The following CARMIL3 variants were observed in gnomAD, a reference collection of about 807,000 sequenced individuals.
CARMIL3 encodes capping protein, Arp2/3 and myosin-I linker protein 3.
CARMIL3 carries 88 observed loss-of-function variants against 180.8 expected under a neutral mutation model. The ratio of observed to expected loss-of-function variants is 0.49; its 90% confidence interval spans 0.41 to 0.58. The LOEUF is 0.58. Ranked by LOEUF, CARMIL3 falls within the 20% of genes least tolerant of loss-of-function variation. The pLI, the probability that CARMIL3 is intolerant of heterozygous loss-of-function variation, is 0.00. For missense variants in CARMIL3, 1,548 were observed against 1,787.0 expected (o/e 0.87, Z 2.41); for synonymous variants, 696 against 714.5 (o/e 0.97, Z 0.41).
At chr14:24,057,674 G>A in intron 14 of CARMIL3, 129 bp from the exon 15 acceptor site, 2 of 762,558 alleles carry the variant, frequency 2.6e-6, no homozygotes, top group Non-Finnish European at 4.3e-6. Flanking sequence ...CATCTCCAGT[G>A]GAGCTCACAC....
intron 6 of CARMIL3, 39 bp from the exon 7 acceptor site, chr14:24,055,027 C>G: frequency 6.2e-7 from 1 of 1,606,614 alleles, no homozygotes; most frequent in Non-Finnish European, 8.5e-7. Context: ...TTCCCCATCT[C>G]CTTACCCTCA....
Position 24,059,261 on chromosome 14 carries a change from C to CT in CARMIL3, c.1627-9_1627-8insT. ...GGGGACTGGGTCCAACCGCCCCTTG[C>CT]CCACACAGTCCCTGCAGTCACTGTC... On this transcript the variant is annotated splice_polypyrimidine_tract_variant and intron_variant, in intron 20 of 39. Transcript: ENST00000342740. This position sits in a 1 kb window ranked among gnomAD's most constrained non-coding sequence, Gnocchi z 6.3. 6.2e-7 allele frequency: 1 copy of CT among 1,613,860 alleles called. No individual in the cohort carries two copies. The highest frequency in any genetic ancestry group is 8.5e-7 in the Non-Finnish European group (1 of 1,179,956).
rs762509051 is a variant in CARMIL3, at chr14:24,057,149, TCTTC to T, written c.1063-11_1063-8del. On this transcript the variant is annotated splice_polypyrimidine_tract_variant and intron_variant, in intron 13 of 39. Transcript: ENST00000342740. ...CCATCATCCCTTCCCCTGCAACCCC[TCTTC>T]CTTCCTACTCCAGGCCCTCTACAGT... The T allele has an allele frequency of 6.2e-7, 1 of 1,612,780 alleles. No individual in the cohort carries two copies.
rs1298118679 is a variant in CARMIL3, at chr14:24,053,717, C to T, written c.49C>T (p.Arg17Trp). The T allele has an allele frequency of 3.7e-6, 6 of 1,610,556 alleles. No homozygotes were observed. The highest frequency in any genetic ancestry group is 1.1e-5 in the South Asian group (1 of 90,382). Reference sequence around the variant, plus strand: ...CTCCCACCCCCCCTCAGACAGCATCCGGAGGTGCCTGAGCCAAGGGGCCGT... The same window carrying T: ...CTCCCACCCCCCCTCAGACAGCATCTGGAGGTGCCTGAGCCAAGGGGCCGT... ...ELTRELQDSI[R>W]RCLSQGAVLQ... The change falls in exon 2 of 40, where the codon CGG becomes TGG. Residue 17 changes from arginine to tryptophan, a missense_variant. Arg to Trp is a moderately radical substitution (Grantham distance 101). Around this residue, in one of 4 missense-constraint regions of CARMIL3, gnomAD observed 578 missense variants for 666.5 expected, o/e 0.87. Coordinates refer to ENST00000342740, the MANE Select transcript of CARMIL3 (RefSeq NM_138360.4).
At position 24,058,078 on chromosome 14, in the gene CARMIL3, A is replaced by G. The variant is rs1566539840; in HGVS notation, c.1322+14A>G. ...GGAGGCCCTCAGGTCGGGTGGGTGCAGGGTTGGGGGCGCATCCAAGGGAAC... is the reference window on the plus strand; with the variant it reads ...GGAGGCCCTCAGGTCGGGTGGGTGCGGGGTTGGGGGCGCATCCAAGGGAAC... On this transcript the variant is annotated intron_variant, in intron 16 of 39. Transcript: ENST00000342740. This position sits in a 1 kb window ranked among gnomAD's most constrained non-coding sequence, Gnocchi z 6.4. The G allele has an allele frequency of 6.2e-7, 1 of 1,613,704 alleles. No individual in the cohort carries two copies.
In CARMIL3 at chr14:24,058,910, A is replaced by G. The variant is rs779583194; in HGVS notation, c.1495A>G (p.Thr499Ala). 1.9e-6 allele frequency: 3 copies of G among 1,614,066 alleles called. No homozygotes were observed. In the African/African-American group the frequency reaches 4.0e-5, roughly 22 times the overall value. Residue 499 changes from threonine to alanine, a missense_variant, in exon 19 of 40, where the codon ACA becomes GCA. Thr to Ala is a moderately conservative substitution (Grantham distance 58, BLOSUM62 0). Coordinates refer to ENST00000342740, the MANE Select transcript of CARMIL3 (RefSeq NM_138360.4). The surrounding 1 kb of genome is among the most constrained non-coding windows in gnomAD (Gnocchi z 6.4). Reference sequence around the variant, plus strand: ...ACCAGGGTTCGACTCGGACCTCCTGACACTGGTGCCTGCACTTGGCAAGAA... The same window carrying G: ...ACCAGGGTTCGACTCGGACCTCCTGGCACTGGTGCCTGCACTTGGCAAGAA... Reference protein sequence around the residue: ...SDNGFDSDLLTLVPALGKNKS... With the variant: ...SDNGFDSDLLALVPALGKNKS...
Position 24,054,633 on chromosome 14 carries a change from G to GGGA in CARMIL3, c.363-77_363-75dup, listed in dbSNP as rs2035653837. The stretch of plus-strand genomic sequence containing the variant: ...CATGTCCCCACTCCTGGTTTTTCCT[G>GGGA]GGATGCAGGAGCTATAACGTGGGAA... On this transcript the variant is annotated intron_variant, in intron 5 of 39. Coordinates refer to ENST00000342740, the MANE Select transcript of CARMIL3 (RefSeq NM_138360.4). This position sits in a 1 kb window ranked among gnomAD's most constrained non-coding sequence, Gnocchi z 5.1. The GGGA allele has an allele frequency of 1.3e-6, 2 of 1,517,822 alleles. No individual in the cohort carries two copies. Among genetic ancestry groups the GGGA allele is most frequent in the Non-Finnish European group, 1.8e-6 (2 of 1,107,446 alleles). The allele number at this position is 1,517,822 out of a possible 1,614,324, so 94.0% of individuals were successfully genotyped here. A position where few individuals can be genotyped will look rare whatever the true frequency, so the allele number is the denominator to read the frequency against.
At chr14:24,053,900 GGGT>G (rs2035644280) in intron 2 of CARMIL3, 97 bp downstream of exon 2, 1 of 1,234,486 alleles carries the variant, frequency 8.1e-7, no homozygotes, top group East Asian at 2.5e-5. Flanking sequence ...AGACAGAAGT[GGGT>G]GGACACTGAG....
At chr14:24,057,664 C>T in intron 14 of CARMIL3, 139 bp from the exon 15 acceptor site, 1 of 706,158 alleles carries the variant, frequency 1.4e-6, no homozygotes, top group Non-Finnish European at 2.4e-6. Context: ...TCTGAGTGGG[C>T]ATCTCCAGTG....
chr14:24,062,427 C>A, intron 27 of CARMIL3, 53 bp from the exon 28 acceptor site: 1 of 1,499,964 alleles, frequency 6.7e-7, no homozygotes, highest in East Asian at 2.3e-5. Context: ...CCTCAGGGGC[C>A]ATGCGGGGGA....
At chr14:24,057,123 T>C in intron 13 of CARMIL3, 44 bp from the exon 14 acceptor site, 1 of 1,604,568 alleles carries the variant, frequency 6.2e-7, no homozygotes, top group Non-Finnish European at 8.5e-7. Flanking sequence ...GTGGCGAGAC[T>C]CCATCATCCC....
chr14:24,053,955 G>C (rs2035644768), intron 2 of CARMIL3, 133 bp from the exon 3 acceptor site: 1 of 1,184,282 alleles, frequency 8.4e-7, no homozygotes, highest in South Asian at 1.4e-5. Flanking sequence ...GGACTGTGTT[G>C]ATGTCCAGAA....
At chr14:24,064,909 T>C (rs1195774530) in intron 32 of CARMIL3, 49 bp from the exon 33 acceptor site, 6 of 1,578,942 alleles carry the variant, frequency 3.8e-6, no homozygotes, top group Non-Finnish European at 5.2e-6. Context: ...AGACCCAGGA[T>C]TGAGCTTGCA....
Position 24,061,775 on chromosome 14 carries a change from T to A in CARMIL3, c.2480+103T>A, listed in dbSNP as rs1246439978. 2 of 1,239,704 alleles carry A rather than the reference T, an allele frequency of 1.6e-6. No individual in the cohort carries two copies. The highest frequency in any genetic ancestry group is 4.8e-5 in the East Asian group (2 of 41,442). The allele number at this position is 1,239,704 out of a possible 1,614,324, so 76.8% of individuals were successfully genotyped here. ...CAGCAATGAATAATGAATGGCACAA[T>A]CTCCATTACAAGGATCAATCTTTAA... On this transcript the variant is annotated intron_variant, in intron 27 of 39. Coordinates refer to ENST00000342740, the MANE Select transcript of CARMIL3 (RefSeq NM_138360.4). The surrounding 1 kb of genome is among the most constrained non-coding windows in gnomAD (Gnocchi z 4.1).
Position 24,054,859 on chromosome 14 carries a change from T to G in CARMIL3, c.460+51T>G. On this transcript the variant is annotated intron_variant, in intron 6 of 39. Transcript: ENST00000342740. This position sits in a 1 kb window ranked among gnomAD's most constrained non-coding sequence, Gnocchi z 5.1. ...GTAGGCGCTCCACCATCTTGCCCCA[T>G]GATCAGAGCCCTTTGTGCACAGGGT... The G allele has an allele frequency of 1.9e-6, 3 of 1,565,578 alleles. No individual in the cohort carries two copies. Among genetic ancestry groups the G allele is most frequent in the Admixed American group, 1.7e-5 (1 of 58,506 alleles).
chr14:24,059,608 C>T lies in CARMIL3; in HGVS notation c.1800-56C>T. 1 of 1,586,786 alleles carries T rather than the reference C, an allele frequency of 6.3e-7. No individual in the cohort carries two copies. The highest frequency in any genetic ancestry group is 8.6e-7 in the Non-Finnish European group (1 of 1,157,824). The stretch of plus-strand genomic sequence containing the variant: ...TGCCCCAAGAGGTTTGTGTCCCTGG[C>T]CCCTAGTAGGGACCCAGGAGGAGAG... On this transcript the variant is annotated intron_variant, in intron 21 of 39. Transcript: ENST00000342740. This position sits in a 1 kb window ranked among gnomAD's most constrained non-coding sequence, Gnocchi z 6.3.
chr14:24,062,466 A>C lies in CARMIL3; in HGVS notation c.2481-14A>C, dbSNP rs1172471809. 3.1e-6 allele frequency: 5 copies of C among 1,612,872 alleles called. No individual in the cohort carries two copies. The highest frequency in any genetic ancestry group is 4.2e-6 in the Non-Finnish European group (5 of 1,178,858). ...AGGTGCTAATGTTCTGAGTAGCCCC[A>C]CCTGTGCCCACAGTGAAGTGAAGCT... On this transcript the variant is annotated splice_polypyrimidine_tract_variant and intron_variant, in intron 27 of 39. Coordinates refer to ENST00000342740, the MANE Select transcript of CARMIL3 (RefSeq NM_138360.4).
At chr14:24,068,226 G>T (rs536994532) in intron 36 of CARMIL3, among the ~76,000 whole-genome samples, 11 of 152,230 alleles carry the variant, frequency 7.2e-5, no homozygotes, top group African/African-American at 2.2e-4. Flanking sequence ...GTGAAACCCT[G>T]TCTCTACTAA....
In CARMIL3 at chr14:24,054,205, G is replaced by T; in HGVS notation, c.187-37G>T. 6.2e-7 allele frequency: 1 copy of T among 1,613,986 alleles called. No individual in the cohort carries two copies. Among genetic ancestry groups the T allele is most frequent in the Non-Finnish European group, 8.5e-7 (1 of 1,179,852 alleles). Reference sequence around the variant, plus strand: ...CTACCTCCCAAGCCTGGCAACCCAGGTCCTTACCAGGAGCTGAGCATCTCC... The same window carrying T: ...CTACCTCCCAAGCCTGGCAACCCAGTTCCTTACCAGGAGCTGAGCATCTCC... On this transcript the variant is annotated intron_variant, in intron 3 of 39. Coordinates refer to ENST00000342740, the MANE Select transcript of CARMIL3 (RefSeq NM_138360.4). The surrounding 1 kb of genome is among the most constrained non-coding windows in gnomAD (Gnocchi z 5.1).
Sources: gnomAD v4.1 joint callset for allele counts (sites outside exome capture counted in the v4.1 genomes callset) on GRCh38, gnomAD v4.1.1 for gene constraint, gnomAD v4.1.1 regional missense constraint, Gnocchi (gnomAD v3.1) non-coding constraint, MANE v1.5 for transcripts, NCBI Gene and HGNC (gene_info 2026-07-23, HGNC 2026-07-21) for gene names.